REC114: variants seen among roughly 807,000 people sequenced by gnomAD.
The protein encoded by REC114 is meiotic recombination protein REC114.
In REC114, 27 loss-of-function variants were observed where a neutral mutation model predicts 31.3. That is an observed-to-expected ratio of 0.86 (90% CI 0.64 to 1.19). The LOEUF is 1.19. Among genes scored for constraint, REC114 ranks in the 50% most tolerant of loss-of-function variants. REC114 has a pLI of 0.00. For missense variants in REC114, 344 were observed against 326.9 expected (o/e 1.05, Z -0.40); for synonymous variants, 134 against 127.7 (o/e 1.05, Z -0.33).
At chr15:73,551,199 C>T in intron 4 of REC114, 49 bp downstream of exon 4, 1 of 1,507,056 alleles carries the variant, frequency 6.6e-7, no homozygotes, top group Non-Finnish European at 9.0e-7. Flanking sequence ...CAATGCAGTG[C>T]ACAATGAGTG....
At chr15:73,518,614 G>A (rs1893894542) in intron 2 of REC114, among the ~76,000 whole-genome samples, 1 of 152,238 alleles carries the variant, frequency 6.6e-6, no homozygotes, top group Admixed American at 6.5e-5. Flanking sequence ...CCCTGGAGGT[G>A]GGCCAGGTGA....
intron 2 of REC114, among the ~76,000 whole-genome samples, chr15:73,524,692 G>A (rs2141321675): frequency 6.6e-6 from 1 of 152,258 alleles, no homozygotes. Flanking sequence ...TCGCCTCCTG[G>A]TTTGGAGTAA....
chr15:73,457,480 G>C (rs907407156), intron 1 of REC114, among the ~76,000 whole-genome samples: 1 of 152,086 alleles, frequency 6.6e-6, no homozygotes, highest in African/African-American at 2.4e-5. Context: ...CCTAGGACTC[G>C]AAGCTTCATC....
At chr15:73,480,281 A>C (rs897888052) in intron 2 of REC114, among the ~76,000 whole-genome samples, 1 of 151,400 alleles carries the variant, frequency 6.6e-6, no homozygotes, top group Non-Finnish European at 1.5e-5. Context: ...TTTTATTTTT[A>C]TTTTTTTGAA....
At chr15:73,559,724 T>C (rs1374886994) in intron 5 of REC114, 28 bp from the exon 6 acceptor site, 3 of 1,514,950 alleles carry the variant, frequency 2.0e-6, no homozygotes, top group Middle Eastern at 3.5e-4. Flanking sequence ...ACCTGTAATC[T>C]GTAACGACTT....
At chr15:73,492,921 T>A (rs1451487372) in intron 2 of REC114, among the ~76,000 whole-genome samples, 5 of 152,202 alleles carry the variant, frequency 3.3e-5, no homozygotes, top group Non-Finnish European at 7.3e-5. Context: ...TTGTGAAGTA[T>A]CTGTTGCAAT....
chr15:73,478,300 A>G lies in REC114; in HGVS notation c.249+4379A>G, dbSNP rs866715751. Among the ~76,000 whole-genome samples, 404 of 135,868 alleles carry G rather than the reference A, an allele frequency of 3.0e-3. 3 individuals carry two copies. The highest frequency in any genetic ancestry group is 0.01 in the African/African-American group (382 of 37,042). The allele number at this position is 135,868 out of a possible 152,430, so 89.1% of individuals were successfully genotyped here. A position where few individuals can be genotyped will look rare whatever the true frequency, so the allele number is the denominator to read the frequency against. On this transcript the variant is annotated intron_variant, in intron 2 of 5. Transcript: ENST00000331090. ...AAAAAAAAAAAAAGAATTTGGGTTT[A>G]TTTTTTGCACGTGGATATCGATTAT...
At chr15:73,470,655 C>T (rs1893121998) in intron 1 of REC114, among the ~76,000 whole-genome samples, 1 of 152,050 alleles carries the variant, frequency 6.6e-6, no homozygotes, top group Admixed American at 6.6e-5. Context: ...AATTTCTGCT[C>T]AGGGAAGACT....
At chr15:73,557,572 T>A (rs913607786) in intron 5 of REC114, among the ~76,000 whole-genome samples, 1 of 152,108 alleles carries the variant, frequency 6.6e-6, no homozygotes, top group Non-Finnish European at 1.5e-5. Context: ...ATGAAAAAAA[T>A]TATTTGTCCA....
chr15:73,529,239 G>A (rs1200244953), intron 2 of REC114, among the ~76,000 whole-genome samples: 1 of 151,742 alleles, frequency 6.6e-6, no homozygotes, highest in Non-Finnish European at 1.5e-5. Context: ...CCAGGTTCAC[G>A]CCATCCTCCT....
At chr15:73,473,699 T>C (rs1215616044) in intron 1 of REC114, 133 bp from the exon 2 acceptor site, 5 of 583,842 alleles carry the variant, frequency 8.6e-6, no homozygotes, top group Non-Finnish European at 1.5e-5. Flanking sequence ...ACAGATTAAA[T>C]GAATGGAAAA....
chr15:73,510,594 C>T (rs1318649983), intron 2 of REC114, among the ~76,000 whole-genome samples: 203 of 145,698 alleles, frequency 1.4e-3, no homozygotes, highest in African/African-American at 4.9e-3. Flanking sequence ...ATAGATAGCT[C>T]TTATCATTTT....
At chr15:73,509,955 G>T (rs1358915700) in intron 2 of REC114, among the ~76,000 whole-genome samples, 1 of 151,856 alleles carries the variant, frequency 6.6e-6, no homozygotes, top group Non-Finnish European at 1.5e-5. Context: ...GAACTTTAAA[G>T]TAGTTTTTTC....
intron 4 of REC114, among the ~76,000 whole-genome samples, chr15:73,554,937 TAC>T (rs1894443677): frequency 6.6e-6 from 1 of 152,258 alleles, no homozygotes; most frequent in African/African-American, 2.4e-5. Flanking sequence ...GCCTTGTTTT[TAC>T]AGAGGAGAAA....
At chr15:73,559,618 G>A in intron 5 of REC114, 134 bp from the exon 6 acceptor site, 1 of 672,564 alleles carries the variant, frequency 1.5e-6, no homozygotes, top group South Asian at 3.1e-5. Flanking sequence ...AAGGAAGCCT[G>A]TAAAGCTAAT....
At chr15:73,469,295 A>G (rs528149238) in intron 1 of REC114, among the ~76,000 whole-genome samples, 1 of 152,296 alleles carries the variant, frequency 6.6e-6, no homozygotes, top group South Asian at 2.1e-4. Context: ...TTGGAGGAAT[A>G]CATGTTTGGG....
intron 1 of REC114, among the ~76,000 whole-genome samples, chr15:73,457,611 C>A (rs535296960): frequency 1.3e-5 from 2 of 150,006 alleles, no homozygotes; most frequent in East Asian, 3.9e-4. Flanking sequence ...CATTTTCTGT[C>A]ATTTCTCAGG....
intron 1 of REC114, 92 bp downstream of exon 1, chr15:73,443,436 A>C: frequency 7.2e-7 from 1 of 1,390,406 alleles, no homozygotes; most frequent in Non-Finnish European, 9.5e-7. Context: ...CCCGAAAGCA[A>C]TGCCGAGGGG....
At chr15:73,545,614 G>A (rs1000408264) in intron 3 of REC114, among the ~76,000 whole-genome samples, 2 of 152,104 alleles carry the variant, frequency 1.3e-5, no homozygotes, top group African/African-American at 4.8e-5. Flanking sequence ...CAAGACTTCA[G>A]TTAGGCTATT....
Sources: gnomAD v4.1 joint callset for allele counts (sites outside exome capture counted in the v4.1 genomes callset) on GRCh38, gnomAD v4.1.1 for gene constraint, MANE v1.5 for transcripts, NCBI Gene and HGNC (gene_info 2026-07-23, HGNC 2026-07-21) for gene names.